Variants in MRPL18 observed in about 807,000 individuals in gnomAD.
MRPL18 encodes the protein mitochondrial ribosomal protein L18, also known as large ribosomal subunit protein uL18m.
MRPL18 carries 16 observed loss-of-function variants against 20.9 expected under a neutral mutation model. The observed-to-expected ratio is 0.76, with a 90% CI of 0.52 to 1.16. The LOEUF is 1.16. MRPL18 is among the 50% of genes most tolerant of loss of function. The pLI is 0.00. For missense variants in MRPL18, 233 were observed against 230.6 expected (o/e 1.01, Z -0.07); for synonymous variants, 91 against 87.1 (o/e 1.04, Z -0.25).
chr6:159,795,640 A>G (rs1040320835), intron 2 of MRPL18, among the ~76,000 whole-genome samples: 2 of 152,166 alleles, frequency 1.3e-5, no homozygotes, highest in African/African-American at 2.4e-5. Context: ...GGAGTCTCCT[A>G]TGTCTACTTC....
intron 1 of MRPL18, 129 bp from the exon 2 acceptor site, chr6:159,790,811 G>T: frequency 1.5e-6 from 2 of 1,377,068 alleles, no homozygotes; most frequent in Non-Finnish European, 2.0e-6. Context: ...CCACCCTGTG[G>T]GCATACGTAT....
At chr6:159,793,584 T>G (rs1310402009) in intron 2 of MRPL18, among the ~76,000 whole-genome samples, 1 of 152,130 alleles carries the variant, frequency 6.6e-6, no homozygotes, top group Non-Finnish European at 1.5e-5. Context: ...TGGCACTTTG[T>G]GGAAAAAGAT....
chr6:159,797,918 GA>G, intron 3 of MRPL18, 133 bp from the exon 4 acceptor site: 1 of 713,960 alleles, frequency 1.4e-6, no homozygotes, highest in Non-Finnish European at 2.3e-6. Flanking sequence ...ATCACTTTCT[GA>G]AAAACCGTTG....
Position 159,797,530 on chromosome 6 carries a change from T to G in MRPL18, c.471+12T>G. 6.2e-7 allele frequency: 1 copy of G among 1,608,078 alleles called. No individual in the cohort carries two copies. The highest frequency in any genetic ancestry group is 8.5e-7 in the Non-Finnish European group (1 of 1,175,154). ...CAGCCTCAGACTCGGTATTTTTGTT[T>G]TCATGTACTTATTGAAAAGGTATTG... is the stretch of plus-strand genomic sequence containing the variant. On this transcript the variant is annotated intron_variant, in intron 3 of 3. Coordinates refer to ENST00000367034, the MANE Select transcript of MRPL18 (RefSeq NM_014161.5).
At chr6:159,797,226 A>G (rs1168421435) in intron 2 of MRPL18, 61 bp from the exon 3 acceptor site, 13 of 1,443,702 alleles carry the variant, frequency 9.0e-6, no homozygotes, top group Non-Finnish European at 1.2e-5. Flanking sequence ...ATTCACCTCA[A>G]TTAATGTAAC....
At chr6:159,790,685 G>GCA (rs976643021) in intron 1 of MRPL18, 46 bp downstream of exon 1, 15 of 1,607,984 alleles carry the variant, frequency 9.3e-6, no homozygotes, top group Non-Finnish European at 1.2e-5. Context: ...GCCTGGGCTT[G>GCA]CACAGTACAT....
chr6:159,792,410 A>G (rs1780924009), intron 2 of MRPL18, among the ~76,000 whole-genome samples: 1 of 152,198 alleles, frequency 6.6e-6, no homozygotes, highest in African/African-American at 2.4e-5. Flanking sequence ...CTTGCTAGGC[A>G]TTGCGTTAGA....
chr6:159,797,934 C>T, intron 3 of MRPL18, 118 bp from the exon 4 acceptor site: 1 of 811,434 alleles, frequency 1.2e-6, no homozygotes, highest in Admixed American at 2.7e-5. Context: ...CCGTTGTAGG[C>T]TGGGAAGTTA....
chr6:159,794,112 G>A (rs1026614831), intron 2 of MRPL18, among the ~76,000 whole-genome samples: 1 of 152,204 alleles, frequency 6.6e-6, no homozygotes, highest in Non-Finnish European at 1.5e-5. Context: ...TCCAAAGGGA[G>A]TACAGTTTCT....
upstream of MRPL18, chr6:159,790,108 CG>C (rs1034291423): frequency 5.4e-6 from 1 of 184,702 alleles, no homozygotes; most frequent in Admixed American, 5.5e-5. Flanking sequence ...GTTTTTCCAG[CG>C]GGCCATACGG....
intron 2 of MRPL18, among the ~76,000 whole-genome samples, chr6:159,796,325 C>T (rs1781028532): frequency 6.6e-6 from 1 of 151,340 alleles, no homozygotes; most frequent in Non-Finnish European, 1.5e-5. Flanking sequence ...CAAAAAAATA[C>T]AAAAATTAGC....
chr6:159,790,709 T>G (rs1189237329), intron 1 of MRPL18, 70 bp downstream of exon 1: 1 of 1,579,612 alleles, frequency 6.3e-7, no homozygotes, highest in African/African-American at 1.4e-5. Flanking sequence ...AACGTGCGGG[T>G]TCTATTTTGT....
Position 159,790,651 on chromosome 6 carries a change from T to A in MRPL18, c.52+12T>A. ...TTGCAGGAACCCTGGTAATTAGTCT[T>A]GCCCCCCTTCTCCCAGCTCACTCGC... On this transcript the variant is annotated intron_variant, in intron 1 of 3. Coordinates refer to ENST00000367034, the MANE Select transcript of MRPL18 (RefSeq NM_014161.5). 6.2e-7 allele frequency: 1 copy of A among 1,613,980 alleles called. No individual in the cohort carries two copies. The highest frequency in any genetic ancestry group is 8.5e-7 in the Non-Finnish European group (1 of 1,179,910).
At chr6:159,790,324 G>A, upstream of MRPL18, 1 of 596,014 alleles carries the variant, frequency 1.7e-6, no homozygotes, top group Non-Finnish European at 3.0e-6. Context: ...GGTCTTGGGC[G>A]TAGCTACGAG....
At chr6:159,795,427 C>T (rs1034362151) in intron 2 of MRPL18, among the ~76,000 whole-genome samples, 5 of 152,212 alleles carry the variant, frequency 3.3e-5, no homozygotes, top group Admixed American at 2.6e-4. Context: ...TCCCTGGGTA[C>T]TTGAGATTAG....
Position 159,791,115 on chromosome 6 carries a change from G to A in MRPL18, c.228G>A (p.Glu76=). ...GGCGGACGGTGTTTCCCTCCCGTGA[G>A]TTCTGGCACAGGTAATTAAATCTGC... The part of the protein sequence containing the change: ...RGWRTVFPSR[E]FWHRLRVIRT... The change falls in exon 2 of 4, where the codon GAG becomes GAA. Residue 76 remains glutamate, a synonymous_variant. Transcript: ENST00000367034. 1.2e-6 allele frequency: 2 copies of A among 1,614,216 alleles called. No homozygotes were observed. The highest frequency in any genetic ancestry group is 4.5e-5 in the East Asian group (2 of 44,884).
Position 159,798,250 on chromosome 6 carries a change from A to G in MRPL18, c.*127A>G. 1.4e-6 allele frequency: 1 copy of G among 706,668 alleles called. No individual in the cohort carries two copies. 43.8% of individuals were successfully genotyped at this position (706,668 alleles called of 1,614,324 possible). On this transcript the variant is annotated 3_prime_UTR_variant, in exon 4 of 4. Transcript: ENST00000367034. ...AGCAATAATGTTGCAGTGGAATATT[A>G]TTTGTAGTTAAGGTCATCCTCCTCC...
chr6:159,791,873 C>A (rs1780909789), intron 2 of MRPL18, among the ~76,000 whole-genome samples: 1 of 149,624 alleles, frequency 6.7e-6, no homozygotes. Flanking sequence ...GGCGACAGAG[C>A]AAAATTCTGT....
intron 2 of MRPL18, among the ~76,000 whole-genome samples, chr6:159,796,312 C>T (rs1781028067): frequency 2.0e-5 from 3 of 151,550 alleles, no homozygotes; most frequent in African/African-American, 4.8e-5. Flanking sequence ...AACCCTGTCT[C>T]TACAAAAAAA....
Sources: allele counts gnomAD v4.1 joint callset (sites outside exome capture counted in the v4.1 genomes callset), GRCh38; gene constraint gnomAD v4.1.1; transcripts MANE v1.5; gene names NCBI Gene and HGNC (gene_info 2026-07-23, HGNC 2026-07-21).